Variants in CNTLN observed in about 807,000 individuals in gnomAD.
CNTLN encodes centlein, also known as centlein, centrosomal protein.
Under a neutral mutation model 180.0 loss-of-function variants are expected in CNTLN, and 212 were observed. The ratio of observed to expected loss-of-function variants is 1.18; its 90% CI spans 1.05 to 1.32. The LOEUF (loss-of-function observed/expected upper bound fraction) is 1.32. Ranked by LOEUF, CNTLN falls within the 40% of genes most tolerant of loss-of-function variation. The pLI is 0.00. For missense variants in CNTLN, 2,095 were observed against 1,610.9 expected (o/e 1.30, Z -5.14); for synonymous variants, 722 against 563.1 (o/e 1.28, Z -3.99).
At chr9:17,257,992 T>C (rs1261526038) in intron 5 of CNTLN, among the ~76,000 whole-genome samples, 1 of 150,294 alleles carries the variant, frequency 6.7e-6, no homozygotes, top group Non-Finnish European at 1.5e-5. Context: ...TTAGATCCCA[T>C]TTGTCAATTT....
intron 25 of CNTLN, among the ~76,000 whole-genome samples, chr9:17,496,901 G>A (rs1564154100): frequency 6.6e-6 from 1 of 152,176 alleles, no homozygotes; most frequent in Non-Finnish European, 1.5e-5. Flanking sequence ...TATTAGGATA[G>A]TCTGAATACC....
At chr9:17,138,772 T>C (rs1405132293) in intron 1 of CNTLN, among the ~76,000 whole-genome samples, 1 of 152,180 alleles carries the variant, frequency 6.6e-6, no homozygotes, top group Admixed American at 6.5e-5. Flanking sequence ...ATTCCTCCAG[T>C]AGAGGTCAAT....
At chr9:17,305,542 A>G (rs1343528859) in intron 7 of CNTLN, among the ~76,000 whole-genome samples, 1 of 149,760 alleles carries the variant, frequency 6.7e-6, no homozygotes, top group African/African-American at 2.5e-5. Flanking sequence ...TTTAAACTCT[A>G]CTCTTATTAA....
chr9:17,354,882 C>G (rs145440938), intron 12 of CNTLN, among the ~76,000 whole-genome samples: 1 of 152,098 alleles, frequency 6.6e-6, no homozygotes, highest in East Asian at 1.9e-4. Flanking sequence ...AGCTGTAACA[C>G]CGCCAAGATC....
chr9:17,498,592 TGCCAAGAAATTTCACTCAG>T (rs1588120005), intron 25 of CNTLN, among the ~76,000 whole-genome samples: 2 of 152,212 alleles, frequency 1.3e-5, no homozygotes, highest in Admixed American at 1.3e-4. Flanking sequence ...TAAATTTCTA[TGCCAAGAAATTTCACTCAG>T]TATGAAATCT....
Position 17,332,704 on chromosome 9 carries a change from A to C in CNTLN, c.1618A>C (p.Asn540His). 6.2e-7 allele frequency: 1 copy of C among 1,605,066 alleles called. No individual in the cohort carries two copies. Among genetic ancestry groups the C allele is most frequent in the Non-Finnish European group, 8.5e-7 (1 of 1,176,770 alleles). Reference sequence around the variant, plus strand: ...GAGAAAAGCTGAAAGAAAGATTGAAAACTTAGAGAAGGCACTACAACTAAA... The same window carrying C: ...GAGAAAAGCTGAAAGAAAGATTGAACACTTAGAGAAGGCACTACAACTAAA... ...KLRKAERKIE[N>H]LEKALQLKSQ... Residue 540 changes from asparagine to histidine, a missense_variant, in exon 10 of 26, where the codon AAC becomes CAC. Coordinates refer to ENST00000380647, the MANE Select transcript of CNTLN (RefSeq NM_017738.4).
chr9:17,337,070 C>G (rs1049858003), intron 10 of CNTLN, among the ~76,000 whole-genome samples: 1 of 152,086 alleles, frequency 6.6e-6, no homozygotes, highest in Non-Finnish European at 1.5e-5. Flanking sequence ...TGATGATGAG[C>G]TTTTTTTCAT....
At chr9:17,181,640 T>C (rs1821131288) in intron 2 of CNTLN, among the ~76,000 whole-genome samples, 1 of 152,260 alleles carries the variant, frequency 6.6e-6, no homozygotes, top group East Asian at 1.9e-4. Context: ...CTGTATCTTA[T>C]TTAAACCTTC....
chr9:17,294,330 G>T (rs1680289497), intron 6 of CNTLN, among the ~76,000 whole-genome samples: 1 of 151,996 alleles, frequency 6.6e-6, no homozygotes, highest in African/African-American at 2.4e-5. Context: ...ATTTTACAGA[G>T]AGCCGATTGG....
At chr9:17,224,897 T>G (rs1027530556) in intron 2 of CNTLN, among the ~76,000 whole-genome samples, 3 of 152,018 alleles carry the variant, frequency 2.0e-5, no homozygotes, top group Non-Finnish European at 4.4e-5. Context: ...TTTTGAATTT[T>G]TTTGTTTGGG....
At chr9:17,148,082 C>T (rs1036951845) in intron 2 of CNTLN, among the ~76,000 whole-genome samples, 1 of 152,178 alleles carries the variant, frequency 6.6e-6, no homozygotes, top group Non-Finnish European at 1.5e-5. Flanking sequence ...GATGCAAAGA[C>T]AGAGAGAATA....
intron 13 of CNTLN, among the ~76,000 whole-genome samples, chr9:17,368,201 G>T (rs1823995823): frequency 6.6e-6 from 1 of 152,146 alleles, no homozygotes; most frequent in African/African-American, 2.4e-5. Context: ...ATTGACAGTG[G>T]CCTGGTAGTA....
Position 17,409,290 on chromosome 9 carries a change from A to T in CNTLN, c.2616-3A>T, listed in dbSNP as rs775766317. 3.7e-6 allele frequency: 6 copies of T among 1,603,462 alleles called. No homozygotes were observed. Among genetic ancestry groups the T allele is most frequent in the Non-Finnish European group, 5.1e-6 (6 of 1,177,398 alleles). ...TTTTATGTCCCTACTTTTTTCTAAAAAGCAGTGATTCTGAAGCACAGACCT... is the reference window on the plus strand; with the variant it reads ...TTTTATGTCCCTACTTTTTTCTAAATAGCAGTGATTCTGAAGCACAGACCT... On this transcript the variant is annotated splice_polypyrimidine_tract_variant and splice_region_variant and intron_variant, in intron 15 of 25. Transcript: ENST00000380647.
At chr9:17,348,032 T>C (rs1412091266) in intron 12 of CNTLN, among the ~76,000 whole-genome samples, 2 of 152,126 alleles carry the variant, frequency 1.3e-5, no homozygotes, top group African/African-American at 4.8e-5. Context: ...GGTTTCACCA[T>C]GTTGGTCAGT....
chr9:17,314,847 C>G (rs1483361857), intron 8 of CNTLN, among the ~76,000 whole-genome samples: 2 of 152,130 alleles, frequency 1.3e-5, no homozygotes, highest in Non-Finnish European at 2.9e-5. Flanking sequence ...ATAGGATCTA[C>G]TCTGTCATTA....
chr9:17,464,715 G>T, intron 21 of CNTLN, 92 bp downstream of exon 21: 1 of 767,428 alleles, frequency 1.3e-6, no homozygotes, highest in Non-Finnish European at 2.0e-6. Flanking sequence ...TAAATGTATA[G>T]AAAATATTGA....
Position 17,502,609 on chromosome 9 carries a change from A to G in CNTLN, c.4178A>G (p.Lys1393Arg). 1 of 1,401,456 alleles carries G rather than the reference A, an allele frequency of 7.1e-7. No homozygotes were observed. Among genetic ancestry groups the G allele is most frequent in the Non-Finnish European group, 9.8e-7 (1 of 1,022,312 alleles). 86.8% of individuals were successfully genotyped at this position (1,401,456 alleles called of 1,614,324 possible). A position where few individuals can be genotyped will look rare whatever the true frequency, so the allele number is the denominator to read the frequency against. The change falls in exon 26 of 26, where the codon AAA becomes AGA. Residue 1393 changes from lysine to arginine, a missense_variant. Coordinates refer to ENST00000380647, the MANE Select transcript of CNTLN (RefSeq NM_017738.4). ...CTGGAAAAAATAAATGAAAAAAAGA[A>G]ACTAGTTGAAGGATATTTCACAATT... Reference protein sequence around the residue: ...AVLEKINEKKKLVEGYFTIMK... With the variant: ...AVLEKINEKKRLVEGYFTIMK...
chr9:17,228,941 A>C (rs918534818), intron 3 of CNTLN, among the ~76,000 whole-genome samples: 5 of 152,070 alleles, frequency 3.3e-5, no homozygotes, highest in Admixed American at 6.6e-5. Context: ...TTTGTGTTTG[A>C]GATGCTGATA....
chr9:17,163,341 A>T (rs1301195023), intron 2 of CNTLN, among the ~76,000 whole-genome samples: 1 of 152,174 alleles, frequency 6.6e-6, no homozygotes, highest in Non-Finnish European at 1.5e-5. Context: ...TATTGTTATG[A>T]TAATTATGCT....
Sources: allele counts gnomAD v4.1 joint callset (sites outside exome capture counted in the v4.1 genomes callset), GRCh38; gene constraint gnomAD v4.1.1; transcripts MANE v1.5; gene names NCBI Gene and HGNC (gene_info 2026-07-23, HGNC 2026-07-21).